Variants in INTS13 observed in about 807,000 individuals in gnomAD.
INTS13 encodes the protein integrator complex subunit 13.
In INTS13, 35 loss-of-function variants were observed where a neutral mutation model predicts 90.2. That is an observed-to-expected ratio of 0.39 (90% CI 0.30 to 0.51). The LOEUF is 0.51. Ranked by LOEUF, INTS13 falls within the 20% of genes least tolerant of loss-of-function variation. The pLI, the probability that INTS13 is intolerant of heterozygous loss-of-function variation, is 0.80. For missense variants in INTS13, 601 were observed against 851.2 expected, an observed-to-expected ratio of 0.71 and a Z score of 3.66; for synonymous variants, 309 against 277.1, an observed-to-expected ratio of 1.11 and a Z score of -1.14.
At chr12:26,920,925 G>A (rs1952101244) in intron 8 of INTS13, among the ~76,000 whole-genome samples, 1 of 152,128 alleles carries the variant, frequency 6.6e-6, no homozygotes, top group Non-Finnish European at 1.5e-5. Flanking sequence ...TGCTTCAGAA[G>A]ATGCATACAA....
chr12:26,928,403 T>C, intron 4 of INTS13, 118 bp from the exon 5 acceptor site: 1 of 813,336 alleles, frequency 1.2e-6, no homozygotes, highest in Non-Finnish European at 2.0e-6. Flanking sequence ...CACTAAGGAC[T>C]ATCTTTAGTG....
At chr12:26,923,215 C>A (rs1338306805) in intron 7 of INTS13, among the ~76,000 whole-genome samples, 1 of 151,990 alleles carries the variant, frequency 6.6e-6, no homozygotes, top group African/African-American at 2.4e-5. Flanking sequence ...CCAAAAAACA[C>A]AAAGATTGAA....
chr12:26,913,637 G>A lies in INTS13; in HGVS notation c.1625C>T (p.Ala542Val), dbSNP rs1449233175. 3 of 1,613,928 alleles carry A rather than the reference G, an allele frequency of 1.9e-6. No homozygotes were observed. Among genetic ancestry groups the A allele is most frequent in the Admixed American group, 3.3e-5 (2 of 60,002 alleles). The change falls in exon 14 of 17, where the codon GCC becomes GTC. Residue 542 changes from alanine to valine, a missense_variant. This residue lies in a region of INTS13 where 228 missense variants were observed against 272.5 expected (regional missense o/e 0.84). Coordinates refer to ENST00000261191, the MANE Select transcript of INTS13 (RefSeq NM_018164.3). ...ATGTTTCTCTGAGTTGTTGATATGG[G>A]CTCTGACAAGGGTTTCTAATTCATT... ...MWNELETLVRAHINNSEKHQR... is the reference protein window; with the variant it reads ...MWNELETLVRVHINNSEKHQR...
intron 12 of INTS13, 59 bp from the exon 13 acceptor site, chr12:26,914,187 A>C: frequency 7.0e-7 from 1 of 1,436,526 alleles, no homozygotes; most frequent in Non-Finnish European, 9.4e-7. Flanking sequence ...ATATCAAAAC[A>C]TCTAGGCAGA....
chr12:26,925,911 A>G, intron 5 of INTS13, 60 bp from the exon 6 acceptor site: 1 of 1,219,494 alleles, frequency 8.2e-7, no homozygotes, highest in South Asian at 1.2e-5. Flanking sequence ...GAATTCAAGC[A>G]GGTAAACTAC....
chr12:26,933,616 A>C (rs1221988642), intron 3 of INTS13, among the ~76,000 whole-genome samples: 1 of 152,208 alleles, frequency 6.6e-6, no homozygotes, highest in Admixed American at 6.5e-5. Context: ...AAGATTACAC[A>C]AAGAAAAAGA....
chr12:26,914,266 AATT>A, intron 12 of INTS13, 138 bp from the exon 13 acceptor site: 1 of 1,183,820 alleles, frequency 8.4e-7, no homozygotes, highest in Non-Finnish European at 1.1e-6. Context: ...TTCAATTTTT[AATT>A]ATTAATTCTT....
chr12:26,928,051 G>GA (rs138760080), intron 5 of INTS13, among the ~76,000 whole-genome samples, 154 bp downstream of exon 5: 1 of 151,768 alleles, frequency 6.6e-6, no homozygotes, highest in Non-Finnish European at 1.5e-5. Flanking sequence ...AGGGAAAATG[G>GA]AAAAAAAAGT....
Position 26,905,317 on chromosome 12 carries a change from T to C in INTS13, c.*180A>G. The C allele has an allele frequency of 1.8e-6, 1 of 559,418 alleles. No individual in the cohort carries two copies. The highest frequency in any genetic ancestry group is 3.1e-6 in the Non-Finnish European group (1 of 326,352). The allele number at this position is 559,418 out of a possible 1,614,324, so 34.7% of individuals were successfully genotyped here. On this transcript the variant is annotated 3_prime_UTR_variant, in exon 17 of 17. Coordinates refer to ENST00000261191, the MANE Select transcript of INTS13 (RefSeq NM_018164.3). The stretch of plus-strand genomic sequence containing the variant: ...TTGGGAGGACAAATCATCTCAAATG[T>C]ATATTTTTGAATTATGTGCCAATTT...
At chr12:26,912,424 G>A (rs1178361911) in intron 14 of INTS13, among the ~76,000 whole-genome samples, 1 of 152,068 alleles carries the variant, frequency 6.6e-6, no homozygotes, top group Non-Finnish European at 1.5e-5. Context: ...GTGATAGAGC[G>A]AGACTCTGTC....
chr12:26,912,216 G>A (rs1233444658), intron 14 of INTS13, among the ~76,000 whole-genome samples: 3 of 152,168 alleles, frequency 2.0e-5, no homozygotes, highest in Non-Finnish European at 2.9e-5. Flanking sequence ...TGGGCAGATC[G>A]CCTGAGGTCA....
At chr12:26,906,641 C>A (rs1048176483) in intron 15 of INTS13, among the ~76,000 whole-genome samples, 1 of 152,148 alleles carries the variant, frequency 6.6e-6, no homozygotes, top group African/African-American at 2.4e-5. Context: ...CCAAGAGCAA[C>A]CACTAGTTCA....
At chr12:26,936,536 G>A in intron 2 of INTS13, 43 bp downstream of exon 2, 1 of 1,421,440 alleles carries the variant, frequency 7.0e-7, no homozygotes, top group Non-Finnish European at 9.9e-7. Flanking sequence ...ATGCAGTTAA[G>A]TACATCCCCA....
At chr12:26,910,455 C>T (rs1168572340) in intron 15 of INTS13, among the ~76,000 whole-genome samples, 3 of 152,060 alleles carry the variant, frequency 2.0e-5, no homozygotes, top group Non-Finnish European at 4.4e-5. Context: ...GGCTGTGTCC[C>T]CACCCAAATT....
intron 3 of INTS13, 56 bp from the exon 4 acceptor site, chr12:26,928,961 A>G (rs1938039417): frequency 1.3e-6 from 2 of 1,490,552 alleles, no homozygotes; most frequent in Middle Eastern, 1.8e-4. Context: ...TCAGATAAAA[A>G]TATCACAAGA....
chr12:26,912,365 A>T (rs931395483), intron 14 of INTS13, among the ~76,000 whole-genome samples: 15 of 152,180 alleles, frequency 9.9e-5, no homozygotes, highest in African/African-American at 3.6e-4. Flanking sequence ...TGAACCCAGG[A>T]GGCAGAGGCT....
chr12:26,918,452 T>C (rs1369360565), intron 8 of INTS13, among the ~76,000 whole-genome samples: 1 of 152,206 alleles, frequency 6.6e-6, no homozygotes, highest in African/African-American at 2.4e-5. Context: ...TAAATAGTAA[T>C]TTTCCTCCAC....
At position 26,917,668 on chromosome 12, in the gene INTS13, A is replaced by G; in HGVS notation, c.955T>C (p.Cys319Arg). 6.2e-7 allele frequency: 1 copy of G among 1,613,938 alleles called. No homozygotes were observed. Among genetic ancestry groups the G allele is most frequent in the Non-Finnish European group, 8.5e-7 (1 of 1,179,854 alleles). Reference sequence around the variant, plus strand: ...CCAATGTTATTTGTCCTTGGTGTACACCACTTTAATGTTATTGTTTCTTTA... The same window carrying G: ...CCAATGTTATTTGTCCTTGGTGTACGCCACTTTAATGTTATTGTTTCTTTA... ...SFKETITLKW[C>R]TPRTNNIELH... is the part of the protein sequence containing the mutation. Residue 319 changes from cysteine (C) to arginine (R), a missense_variant, in exon 9 of 17, where the codon TGT becomes CGT. By Grantham distance (180) the Cys-to-Arg change is radical. Around this residue, in one of 3 missense-constraint regions of INTS13, gnomAD observed 89 missense variants for 191.0 expected, o/e 0.47. Transcript: ENST00000261191.
In INTS13 at chr12:26,922,636, T is replaced by A. The variant is rs745306615; in HGVS notation, c.869A>T (p.His290Leu). The change falls in exon 8 of 17, where the codon CAT becomes CTT. Residue 290 changes from histidine to leucine, a missense_variant. Around this residue, in one of 3 missense-constraint regions of INTS13, gnomAD observed 284 missense variants for 387.7 expected, o/e 0.73. Coordinates refer to ENST00000261191, the MANE Select transcript of INTS13 (RefSeq NM_018164.3). ...CTTACCACTTTTCAGGAAATCTACA[T>A]GTGCATCTTTGTGATGAAGTAGCTC... is the stretch of plus-strand genomic sequence containing the variant. ...DVELLHHKDAHVDFLKSGDSH... is the reference protein window; with the variant it reads ...DVELLHHKDALVDFLKSGDSH... 6.3e-7 allele frequency: 1 copy of A among 1,580,492 alleles called. No homozygotes were observed. Among genetic ancestry groups the A allele is most frequent in the Admixed American group, 1.8e-5 (1 of 56,204 alleles).
Sources: gnomAD v4.1 joint callset for allele counts (sites outside exome capture counted in the v4.1 genomes callset) on GRCh38, gnomAD v4.1.1 for gene constraint, gnomAD v4.1.1 regional missense constraint, MANE v1.5 for transcripts, NCBI Gene and HGNC (gene_info 2026-07-23, HGNC 2026-07-21) for gene names.